Variants in MYO5C observed in about 807,000 individuals in gnomAD.
The protein encoded by MYO5C is unconventional myosin-Vc.
MYO5C carries 194 observed loss-of-function variants against 235.7 expected under a neutral mutation model. That is an observed-to-expected ratio of 0.82 (90% CI 0.73 to 0.93). The LOEUF (loss-of-function observed/expected upper bound fraction) is 0.93, where lower values mean the gene tolerates loss of function less well. MYO5C is among the 40% of genes least tolerant of loss of function. The pLI, the probability that MYO5C is intolerant of heterozygous loss-of-function variation, is 0.00. For synonymous variants in MYO5C, 707 were observed against 754.8 expected, an observed-to-expected ratio of 0.94 and a Z score of 1.04; for missense variants, 2,038 against 2,127.2, an observed-to-expected ratio of 0.96 and a Z score of 0.82.
At chr15:52,210,556 A>G (rs2035423757) in intron 35 of MYO5C, among the ~76,000 whole-genome samples, 2 of 152,296 alleles carry the variant, frequency 1.3e-5, no homozygotes, top group South Asian at 4.1e-4. Context: ...TTTTTGTACT[A>G]ACTCCACTGT....
Position 52,244,425 on chromosome 15 carries a change from T to A in MYO5C, c.2321A>T (p.Lys774Ile). The A allele has an allele frequency of 2.5e-6, 4 of 1,614,128 alleles. No individual in the cohort carries two copies. Among genetic ancestry groups the A allele is most frequent in the Non-Finnish European group, 3.4e-6 (4 of 1,180,024 alleles). The stretch of plus-strand genomic sequence containing the variant: ...GGCTCGTCTCTCTCGGAGGAATTTT[T>A]TCCTCTGGAGCCAGCCACGCATGTG... ...QKHMRGWLQR[K>I]KFLRERRAAL... Residue 774 changes from lysine (K) to isoleucine (I), a missense_variant, in exon 19 of 41, where the codon AAA becomes ATA. By Grantham distance (102) the Lys-to-Ile change is moderately radical (BLOSUM62 -3). Transcript: ENST00000261839.
intron 8 of MYO5C, among the ~76,000 whole-genome samples, chr15:52,267,306 T>C (rs547025308): frequency 6.6e-6 from 1 of 152,376 alleles, no homozygotes; most frequent in East Asian, 1.9e-4. Flanking sequence ...ACCTGCTATG[T>C]GCTTGGCCTG....
chr15:52,231,505 C>A (rs893091422), intron 24 of MYO5C, among the ~76,000 whole-genome samples: 1 of 152,080 alleles, frequency 6.6e-6, no homozygotes, highest in African/African-American at 2.4e-5. Flanking sequence ...AAAAACTCAT[C>A]GACAATTATA....
chr15:52,202,302 G>A (rs953609148), intron 38 of MYO5C, among the ~76,000 whole-genome samples: 7 of 152,114 alleles, frequency 4.6e-5, no homozygotes, highest in African/African-American at 9.7e-5. Context: ...GTTTGAACCC[G>A]GGAGGCGAAG....
intron 9 of MYO5C, among the ~76,000 whole-genome samples, chr15:52,262,359 CCTTAATAAGAAG>C (rs1476248905): frequency 6.6e-6 from 1 of 152,194 alleles, no homozygotes; most frequent in Non-Finnish European, 1.5e-5. Flanking sequence ...CAAAATGCTA[CCTTAATAAGAAG>C]CTTCACGGGA....
At chr15:52,244,834 G>C (rs932953027) in intron 18 of MYO5C, among the ~76,000 whole-genome samples, 1 of 152,210 alleles carries the variant, frequency 6.6e-6, no homozygotes, top group Admixed American at 6.5e-5. Context: ...TCTCAGTTGG[G>C]CTGCCAGAGA....
rs1258859763 is a variant in MYO5C at position 52,213,262 on chromosome 15, C to G, written c.4067G>C (p.Gly1356Ala). 1.9e-6 allele frequency: 3 copies of G among 1,613,618 alleles called. No individual in the cohort carries two copies. Among genetic ancestry groups the G allele is most frequent in the Non-Finnish European group, 1.7e-6 (2 of 1,179,688 alleles). Residue 1356 changes from glycine (G) to alanine (A), a missense_variant, in exon 34 of 41, where the codon GGA becomes GCA. Physicochemically the swap from Gly to Ala is moderately conservative, Grantham distance 60. Transcript: ENST00000261839. Reference sequence around the variant, plus strand: ...CAGCATTCCAAGGTACTCCTTGGGTCCTGAGGACGAGTGCACATCATTGGC... The same window carrying G: ...CAGCATTCCAAGGTACTCCTTGGGTGCTGAGGACGAGTGCACATCATTGGC... ...GKANDVHSSS[G>A]PKEYLGMLQY...
chr15:52,284,641 T>A (rs181218990), intron 1 of MYO5C, among the ~76,000 whole-genome samples: 123 of 152,302 alleles, frequency 8.1e-4, no homozygotes, highest in African/African-American at 2.9e-3. Flanking sequence ...CTCTAGTTAA[T>A]ATGCATACTA....
At chr15:52,273,156 C>A (rs1341652212) in intron 5 of MYO5C, among the ~76,000 whole-genome samples, 3 of 151,884 alleles carry the variant, frequency 2.0e-5, no homozygotes, top group Admixed American at 6.6e-5. Context: ...CCCGTCTCTA[C>A]AAAACATAAA....
In MYO5C at chr15:52,248,734, T is replaced by C. The variant is rs768782580; in HGVS notation, c.1712A>G (p.Tyr571Cys). The C allele has an allele frequency of 3.1e-6, 5 of 1,614,184 alleles. No homozygotes were observed. Among genetic ancestry groups the C allele is most frequent in the East Asian group, 2.2e-5 (1 of 44,884 alleles). ...GFLEKNRDTV[Y>C]DMLVEILRAS... ...TCTCAGGATTTCAACCAGCATGTCATAGACGGTGTCTCTGTTTTTCTCCAG... is the reference window on the plus strand; with the variant it reads ...TCTCAGGATTTCAACCAGCATGTCACAGACGGTGTCTCTGTTTTTCTCCAG... Residue 571 changes from tyrosine (Y) to cysteine (C), a missense_variant, in exon 14 of 41, where the codon TAT (tyrosine) becomes TGT (cysteine). Transcript: ENST00000261839.
chr15:52,194,769 G>A (rs1199217468), intron 40 of MYO5C, among the ~76,000 whole-genome samples: 3 of 150,738 alleles, frequency 2.0e-5, no homozygotes, highest in Non-Finnish European at 4.4e-5. Flanking sequence ...TCATATATAC[G>A]ATATATCATA....
intron 16 of MYO5C, among the ~76,000 whole-genome samples, chr15:52,246,575 T>A (rs1351872640): frequency 6.6e-6 from 1 of 152,224 alleles, no homozygotes; most frequent in Non-Finnish European, 1.5e-5. Flanking sequence ...ACAAGAATAA[T>A]GCCTCATGCC....
rs1429584377 is a variant in MYO5C at position 52,237,554 on chromosome 15, T to G, written c.2796A>C (p.Glu932Asp). ...GCCTGTGAGTGGCTGCTTTTTCTAG[T>G]TCTGCTTCCAGCTTCTGAATCTTTT... ...DVEKIQKLEA[E>D]LEKAATHRRN... is the part of the protein sequence containing the mutation. Residue 932 changes from glutamate (E) to aspartate (D), a missense_variant, in exon 22 of 41, where the codon GAA (glutamate) becomes GAC (aspartate). Transcript: ENST00000261839. 6.2e-7 allele frequency: 1 copy of G among 1,614,100 alleles called. No homozygotes were observed. Among genetic ancestry groups the G allele is most frequent in the Non-Finnish European group, 8.5e-7 (1 of 1,180,054 alleles).
At chr15:52,279,227 C>T (rs2037114357) in intron 3 of MYO5C, among the ~76,000 whole-genome samples, 1 of 152,054 alleles carries the variant, frequency 6.6e-6, no homozygotes, top group African/African-American at 2.4e-5. Flanking sequence ...TGGAAATGCT[C>T]GCAAATGGAG....
chr15:52,292,851 C>T (rs1174448283), intron 1 of MYO5C, among the ~76,000 whole-genome samples: 1 of 152,218 alleles, frequency 6.6e-6, no homozygotes, highest in African/African-American at 2.4e-5. Flanking sequence ...CAGACAGAGG[C>T]TCAGACAGGT....
chr15:52,240,551 A>AC, intron 20 of MYO5C, among the ~76,000 whole-genome samples: 1 of 131,114 alleles, frequency 7.6e-6, no homozygotes, highest in South Asian at 2.4e-4. Flanking sequence ...AAAAAAAGAA[A>AC]AAGAAGAAAA....
rs1167539899 is a variant in MYO5C, at chr15:52,211,761, CT to C, written c.4264del (p.Ser1422AlafsTer14). 1 of 1,613,960 alleles carries C rather than the reference CT, an allele frequency of 6.2e-7. No individual in the cohort carries two copies. The highest frequency in any genetic ancestry group is 8.5e-7 in the Non-Finnish European group (1 of 1,179,966). ...CACCTGCTTGATGCCATTAATGGTG[CT>C]GTTCATGAGGGACTTCAGCATGTTG... ...DANMLKSLMN[S>X]TINGIKQVVK... On this transcript the variant is annotated frameshift_variant, in exon 35 of 41. Coordinates refer to ENST00000261839, the MANE Select transcript of MYO5C (RefSeq NM_018728.4). LOFTEE classifies it high-confidence loss of function.
chr15:52,217,381 T>C (rs936103007), intron 32 of MYO5C, among the ~76,000 whole-genome samples: 1 of 152,168 alleles, frequency 6.6e-6, no homozygotes, highest in African/African-American at 2.4e-5. Context: ...TCCGTCACAA[T>C]GCACAGGGAC....
chr15:52,207,146 GA>G lies in MYO5C; in HGVS notation c.4387-1181del, dbSNP rs796676990. On this transcript the variant is annotated intron_variant, in intron 36 of 40. Transcript: ENST00000261839. The stretch of plus-strand genomic sequence containing the variant: ...AGACCCCCATCTCAAAAAAGAAAAA[GA>G]AAAAAAAAAAAGAACAGGACATTGT... Among the ~76,000 whole-genome samples the G allele has an allele frequency of 3.0e-3, 359 of 120,494 alleles. 7 individuals carry two copies. Among genetic ancestry groups the G allele is most frequent in the East Asian group, 0.018 (75 of 4,222 alleles). The allele number at this position is 120,494 out of a possible 152,430, so 79.0% of individuals were successfully genotyped here.
Sources: allele counts gnomAD v4.1 joint callset (sites outside exome capture counted in the v4.1 genomes callset), GRCh38; gene constraint gnomAD v4.1.1; transcripts MANE v1.5; gene names NCBI Gene and HGNC (gene_info 2026-07-23, HGNC 2026-07-21).